The following CARMIL1 variants were observed in gnomAD, a reference collection of about 807,000 sequenced individuals.
CARMIL1 encodes the protein F-actin-uncapping protein LRRC16A.
CARMIL1 carries 90 observed loss-of-function variants against 177.1 expected under a neutral mutation model. That is an observed-to-expected ratio of 0.51 (90% CI 0.43 to 0.61). The LOEUF (loss-of-function observed/expected upper bound fraction) is 0.61. Among genes scored for constraint, CARMIL1 ranks in the 20% least tolerant of loss-of-function variants. The pLI is 0.00. For missense variants in CARMIL1, 1,380 were observed against 1,667.0 expected, an observed-to-expected ratio of 0.83 and a Z score of 3.00; for synonymous variants, 577 against 606.2, an observed-to-expected ratio of 0.95 and a Z score of 0.71.
rs533616057 is a variant in CARMIL1, at chr6:25,499,104, C to T, written c.1326-1062C>T. 3.3e-5 allele frequency among the ~76,000 whole-genome samples: 5 copies of T among 152,270 alleles called. No homozygotes were observed. The East Asian group carries it at 9.6e-4, about 29-fold the overall frequency. On this transcript the variant is annotated intron_variant, in intron 16 of 36. Transcript: ENST00000329474. ...CTCTTAGTAGATAAAGCCAGAGAAT[C>T]ACTAGAAAAGAAAGTCTCAGAGACT...
chr6:25,409,302 C>T (rs761951677), intron 2 of CARMIL1, among the ~76,000 whole-genome samples: 6 of 152,198 alleles, frequency 3.9e-5, no homozygotes, highest in Non-Finnish European at 7.3e-5. Flanking sequence ...GGTCTCACAC[C>T]TTTGTCCCTG....
At chr6:25,403,921 A>G (rs1794113640) in intron 2 of CARMIL1, among the ~76,000 whole-genome samples, 1 of 152,314 alleles carries the variant, frequency 6.6e-6, no homozygotes, top group South Asian at 2.1e-4. Context: ...GCAGAGCTTT[A>G]TGTCTTTTTA....
Position 25,467,641 on chromosome 6 carries a change from A to T in CARMIL1, c.690+1693A>T, listed in dbSNP as rs149789998. Among the ~76,000 whole-genome samples the T allele has an allele frequency of 1.6e-3, 237 of 152,262 alleles. 1 individual carries two copies. Among genetic ancestry groups the T allele is most frequent in the African/African-American group, 5.6e-3 (234 of 41,554 alleles). ...TGTTTAGGACATAAAATATGTACCT[A>T]ATCATTTCAGTCCTGGCAAAACAAA... On this transcript the variant is annotated intron_variant, in intron 9 of 36. Transcript: ENST00000329474.
At chr6:25,325,732 C>T (rs1487060981) in intron 2 of CARMIL1, among the ~76,000 whole-genome samples, 2 of 152,144 alleles carry the variant, frequency 1.3e-5, no homozygotes, top group African/African-American at 2.4e-5. Context: ...ACAGATATGG[C>T]TTGATTAGTC....
At chr6:25,564,379 A>G (rs1811380049) in intron 29 of CARMIL1, among the ~76,000 whole-genome samples, 1 of 152,154 alleles carries the variant, frequency 6.6e-6, no homozygotes, top group South Asian at 2.1e-4. Context: ...TTGAGCTCCC[A>G]TGGAATCATT....
At chr6:25,284,729 A>T in intron 1 of CARMIL1, 83 bp from the exon 2 acceptor site, 2 of 779,338 alleles carry the variant, frequency 2.6e-6, no homozygotes, top group Non-Finnish European at 4.2e-6. Context: ...AACAGTAAAA[A>T]CAACCAAATA....
chr6:25,616,654 C>G (rs9358864), intron 36 of CARMIL1, among the ~76,000 whole-genome samples: 1 of 152,284 alleles, frequency 6.6e-6, no homozygotes, highest in African/African-American at 2.4e-5. Context: ...TTCAAACAGA[C>G]GTAATTCTAT....
At chr6:25,590,140 C>A (rs2151281826) in intron 31 of CARMIL1, among the ~76,000 whole-genome samples, 1 of 152,320 alleles carries the variant, frequency 6.6e-6, no homozygotes, top group East Asian at 1.9e-4. Context: ...CGAATAGACA[C>A]TAAATAGACA....
At position 25,540,013 on chromosome 6, in the gene CARMIL1, C is replaced by T. The variant is rs1808732015; in HGVS notation, c.2263C>T (p.Pro755Ser). Residue 755 changes from proline to serine, a missense_variant, in exon 26 of 37, where the codon CCA becomes TCA. Physicochemically the swap from Pro to Ser is moderately conservative, Grantham distance 74. Coordinates refer to ENST00000329474, the MANE Select transcript of CARMIL1 (RefSeq NM_017640.6). ...WAGASGLLSS[P>S]IQETLESMAG... The stretch of plus-strand genomic sequence containing the variant: ...GGGAGCCAGTGGCTTACTATCCAGT[C>T]CAATTCAGGAGACCCTGGAATCAAT... The T allele has an allele frequency of 6.2e-7, 1 of 1,608,210 alleles. No individual in the cohort carries two copies. Among genetic ancestry groups the T allele is most frequent in the Admixed American group, 1.7e-5 (1 of 59,244 alleles).
intron 2 of CARMIL1, among the ~76,000 whole-genome samples, chr6:25,373,011 T>C (rs1184437611): frequency 6.6e-6 from 1 of 152,234 alleles, no homozygotes; most frequent in African/African-American, 2.4e-5. Context: ...CAATAGATTT[T>C]TGTGTTTTTA....
At chr6:25,427,607 A>G (rs1469612704) in intron 4 of CARMIL1, among the ~76,000 whole-genome samples, 1 of 152,236 alleles carries the variant, frequency 6.6e-6, no homozygotes. Context: ...TATAGTAGCT[A>G]TATGTTTAAC....
chr6:25,509,666 G>A lies in CARMIL1; in HGVS notation c.1406G>A (p.Gly469Glu). 1 of 1,601,824 alleles carries A rather than the reference G, an allele frequency of 6.2e-7. No homozygotes were observed. The highest frequency in any genetic ancestry group is 8.5e-7 in the Non-Finnish European group (1 of 1,173,374). ...TTTGTGTTTCTCTAGCTGAGATCAG[G>A]AGGTGCTCAAGTATTAGAAGGTTGC... is the stretch of plus-strand genomic sequence containing the variant. ...LDLSNCELRS[G>E]GAQVLEGCIA... The change falls in exon 18 of 37, where the codon GGA (glycine) becomes GAA (glutamate). Residue 469 changes from glycine to glutamate, a missense_variant. By Grantham distance (98) the Gly-to-Glu change is moderately conservative. Coordinates refer to ENST00000329474, the MANE Select transcript of CARMIL1 (RefSeq NM_017640.6). The surrounding 1 kb of genome is among the most constrained non-coding windows in gnomAD (Gnocchi z 4.1).
At chr6:25,598,118 A>ATT (rs1360203151) in intron 32 of CARMIL1, among the ~76,000 whole-genome samples, 1 of 152,026 alleles carries the variant, frequency 6.6e-6, no homozygotes, top group African/African-American at 2.4e-5. Flanking sequence ...TAAAAAACCA[A>ATT]TTTGCTTGAC....
At chr6:25,475,241 T>C (rs1801440289) in intron 11 of CARMIL1, among the ~76,000 whole-genome samples, 1 of 151,872 alleles carries the variant, frequency 6.6e-6, no homozygotes, top group African/African-American at 2.4e-5. Context: ...CTGTCTCTAC[T>C]AAAATACAAA....
At chr6:25,412,119 A>G (rs1184109408) in intron 2 of CARMIL1, among the ~76,000 whole-genome samples, 1 of 152,254 alleles carries the variant, frequency 6.6e-6, no homozygotes, top group African/African-American at 2.4e-5. Context: ...TTGGTTTACT[A>G]CTATTATAGA....
intron 6 of CARMIL1, 61 bp from the exon 7 acceptor site, chr6:25,450,278 A>C (rs1798659785): frequency 8.1e-7 from 1 of 1,238,592 alleles, no homozygotes. Flanking sequence ...TTAAGCTTTA[A>C]AATTTTAATT....
chr6:25,412,319 T>A (rs1014346372), intron 2 of CARMIL1, among the ~76,000 whole-genome samples: 1 of 152,222 alleles, frequency 6.6e-6, no homozygotes, highest in Non-Finnish European at 1.5e-5. Flanking sequence ...TGATGGCCCA[T>A]GCCAATAATC....
chr6:25,340,038 A>G (rs150579598), intron 2 of CARMIL1, among the ~76,000 whole-genome samples: 2 of 152,258 alleles, frequency 1.3e-5, no homozygotes, highest in Non-Finnish European at 2.9e-5. Context: ...TCGATTTTGT[A>G]ATTTATTCGG....
At chr6:25,362,926 T>G (rs1013567724) in intron 2 of CARMIL1, among the ~76,000 whole-genome samples, 2 of 152,274 alleles carry the variant, frequency 1.3e-5, no homozygotes, top group Admixed American at 6.5e-5. Flanking sequence ...TCCCAGCTAC[T>G]CTGGGGGCTG....
Sources: gnomAD v4.1 joint callset for allele counts (sites outside exome capture counted in the v4.1 genomes callset) on GRCh38, gnomAD v4.1.1 for gene constraint, Gnocchi (gnomAD v3.1) non-coding constraint, MANE v1.5 for transcripts, NCBI Gene and HGNC (gene_info 2026-07-23, HGNC 2026-07-21) for gene names.